LCORL: variants seen among roughly 807,000 people sequenced by gnomAD.
The protein encoded by LCORL is ligand dependent nuclear receptor corepressor like, also known as ligand-dependent nuclear receptor corepressor-like protein.
Under a neutral mutation model 141.8 loss-of-function variants are expected in LCORL, and 41 were observed. That is an observed-to-expected ratio of 0.29 (90% CI 0.23 to 0.38). LCORL has a LOEUF of 0.38. Ranked by LOEUF, LCORL falls within the 10% of genes least tolerant of loss-of-function variation. The pLI, the probability that LCORL is intolerant of heterozygous loss-of-function variation, is 1.00. For missense variants in LCORL, 1,759 were observed against 2,035.0 expected (o/e 0.86, Z 2.61); for synonymous variants, 618 against 694.1 (o/e 0.89, Z 1.72).
intron 1 of LCORL, among the ~76,000 whole-genome samples, chr4:17,991,770 G>A (rs1189772802): frequency 6.6e-6 from 1 of 151,998 alleles, no homozygotes; most frequent in East Asian, 1.9e-4. Flanking sequence ...GACCAGCCCT[G>A]GACAAAAATT....
rs1474552281 is a variant in LCORL, at chr4:17,976,147, CTT to C, written c.155-3264_155-3263del. Among the ~76,000 whole-genome samples, 8 of 152,140 alleles carry C rather than the reference CTT, an allele frequency of 5.3e-5. No individual in the cohort carries two copies. The East Asian group carries it at 1.5e-3, about 29-fold the overall frequency. The stretch of plus-strand genomic sequence containing the variant: ...TCCAATTGTTTAACTTTTAACCTGT[CTT>C]TATATTCAAATTGAGTTTCTTGTGG... On this transcript the variant is annotated intron_variant, in intron 1 of 7. Coordinates refer to ENST00000635767, the Ensembl canonical transcript of LCORL.
At chr4:17,857,911 T>C (rs1045147592) in intron 7 of LCORL, among the ~76,000 whole-genome samples, 9 of 152,186 alleles carry the variant, frequency 5.9e-5, no homozygotes, top group African/African-American at 1.9e-4. Context: ...ACATTTAACA[T>C]TGCAAAAATC....
intron 4 of LCORL, among the ~76,000 whole-genome samples, chr4:17,923,288 C>CAG (rs1166307420): frequency 1.3e-5 from 2 of 152,184 alleles, no homozygotes; most frequent in African/African-American, 4.8e-5. Flanking sequence ...TTTAATGTTG[C>CAG]AGCTTGGGGA....
At chr4:17,932,533 AC>A (rs1736212657) in intron 4 of LCORL, among the ~76,000 whole-genome samples, 1 of 151,668 alleles carries the variant, frequency 6.6e-6, no homozygotes, top group African/African-American at 2.4e-5. Flanking sequence ...TTCATTTCCC[AC>A]TCTTCCCAAC....
chr4:17,982,109 T>C (rs1041226712), intron 1 of LCORL, among the ~76,000 whole-genome samples: 1 of 139,184 alleles, frequency 7.2e-6, no homozygotes, highest in Non-Finnish European at 1.6e-5. Context: ...CGTGTGTGTG[T>C]GTGTGTGTGT....
At chr4:17,912,341 A>C (rs546212957) in intron 4 of LCORL, 3 of 672,416 alleles carry the variant, frequency 4.5e-6, no homozygotes, top group East Asian at 3.2e-5. Context: ...TTCATGAAGA[A>C]CCATGAAGAG....
At chr4:17,889,333 G>C (rs1420063862) in intron 5 of LCORL, among the ~76,000 whole-genome samples, 3 of 151,692 alleles carry the variant, frequency 2.0e-5, no homozygotes, top group Non-Finnish European at 4.4e-5. Context: ...TCCACATCTA[G>C]GCTATGTTAA....
intron 1 of LCORL, among the ~76,000 whole-genome samples, chr4:17,975,362 A>G (rs1157056655): frequency 6.6e-6 from 1 of 151,754 alleles, no homozygotes; most frequent in Non-Finnish European, 1.5e-5. Context: ...TCAAATATTT[A>G]GGTATTATTC....
rs910920524 is a variant in LCORL, at chr4:18,005,869, G to C, written c.154+15729C>G. ...GGCCTCTGGGCCTGTGATGGCAGGG[G>C]CTTCCGTGAAGACCTCTGACATGCC... is the stretch of plus-strand genomic sequence containing the variant. On this transcript the variant is annotated intron_variant, in intron 1 of 7. Coordinates refer to ENST00000635767, the Ensembl canonical transcript of LCORL. Among the ~76,000 whole-genome samples, 5 of 152,302 alleles carry C rather than the reference G, an allele frequency of 3.3e-5. No individual in the cohort carries two copies. The East Asian group carries it at 7.7e-4, about 24-fold the overall frequency.
At chr4:17,986,302 T>C (rs1401389351) in intron 1 of LCORL, among the ~76,000 whole-genome samples, 1 of 152,206 alleles carries the variant, frequency 6.6e-6, no homozygotes, top group East Asian at 1.9e-4. Flanking sequence ...TGTTGGCCTC[T>C]CTAGTGAGGT....
intron 5 of LCORL, among the ~76,000 whole-genome samples, chr4:17,907,397 A>T (rs367927286): frequency 7.9e-5 from 12 of 152,226 alleles, no homozygotes; most frequent in East Asian, 1.9e-4. Flanking sequence ...TAAAGGTCTG[A>T]CAGGTAACAT....
At chr4:17,873,748 T>C (rs1305529982) in exon 7 of LCORL, 3 of 1,233,984 alleles carry the variant, frequency 2.4e-6, no homozygotes, top group South Asian at 4.1e-5. Flanking sequence ...GAGTAAATGA[T>C]TGTATTTAGC....
chr4:17,970,651 A>C (rs966780489), intron 2 of LCORL, among the ~76,000 whole-genome samples: 1 of 152,212 alleles, frequency 6.6e-6, no homozygotes, highest in African/African-American at 2.4e-5. Flanking sequence ...AGTTGCTACG[A>C]ATACAAGGTT....
chr4:17,961,830 CT>C, intron 4 of LCORL, 72 bp downstream of exon 4: 1 of 1,362,528 alleles, frequency 7.3e-7, no homozygotes, highest in Non-Finnish European at 1.0e-6. Context: ...ATATAAAAAA[CT>C]TTTGTGTAAA....
chr4:17,950,145 C>T (rs1739488993), intron 4 of LCORL, among the ~76,000 whole-genome samples: 1 of 152,142 alleles, frequency 6.6e-6, no homozygotes, highest in African/African-American at 2.4e-5. Flanking sequence ...ACTTGAAAAA[C>T]TCAAGAGCCC....
In LCORL at chr4:17,928,571, A is replaced by G. The variant is rs1162727873; in HGVS notation, c.431-19226T>C. 2.0e-5 allele frequency among the ~76,000 whole-genome samples: 3 copies of G among 152,230 alleles called. No individual in the cohort carries two copies. The East Asian group carries it at 5.8e-4, about 29-fold the overall frequency. ...CAAAAACAGTGAACAAGCTAGGAACAGAAGAAAATGTCCTTAATCTCATTA... is the reference window on the plus strand; with the variant it reads ...CAAAAACAGTGAACAAGCTAGGAACGGAAGAAAATGTCCTTAATCTCATTA... On this transcript the variant is annotated intron_variant, in intron 4 of 7. Coordinates refer to ENST00000635767, the Ensembl canonical transcript of LCORL.
exon 8 of LCORL, chr4:17,842,430 T>G (rs1722502605): frequency 2.7e-6 from 4 of 1,476,948 alleles, no homozygotes; most frequent in Non-Finnish European, 3.8e-6. Flanking sequence ...ACTTTTTATT[T>G]CTACAAGTAG....
At chr4:17,965,819 G>A (rs895132455) in intron 2 of LCORL, among the ~76,000 whole-genome samples, 1 of 152,020 alleles carries the variant, frequency 6.6e-6, no homozygotes, top group Admixed American at 6.6e-5. Context: ...CACCTCAACA[G>A]ATGTAATTTT....
chr4:17,845,721 C>G, exon 8 of LCORL: 1 of 1,604,026 alleles, frequency 6.2e-7, no homozygotes, highest in Non-Finnish European at 8.5e-7. Flanking sequence ...GAACTGCAAT[C>G]TATTTCTCTT....
Sources: allele counts gnomAD v4.1 joint callset (sites outside exome capture counted in the v4.1 genomes callset), GRCh38; gene constraint gnomAD v4.1.1; transcripts MANE v1.5; gene names NCBI Gene and HGNC (gene_info 2026-07-23, HGNC 2026-07-21).